Variants in RAPGEF4 observed in about 807,000 individuals in gnomAD.
The protein encoded by RAPGEF4 is RAP guanine-nucleotide-exchange factor (GEF) 4.
In RAPGEF4, 66 loss-of-function variants were observed where a neutral mutation model predicts 147.9. The observed-to-expected ratio is 0.45, with a 90% confidence interval of 0.37 to 0.55. The LOEUF is 0.55. Ranked by LOEUF, RAPGEF4 falls within the 20% of genes least tolerant of loss-of-function variation. The pLI, the probability that RAPGEF4 is intolerant of heterozygous loss-of-function variation, is 0.00. For synonymous variants in RAPGEF4, 419 were observed against 442.7 expected (o/e 0.95, Z 0.67); for missense variants, 1,071 against 1,257.3 (o/e 0.85, Z 2.24).
intron 1 of RAPGEF4, among the ~76,000 whole-genome samples, chr2:172,749,491 G>A (rs1695070130): frequency 6.6e-6 from 1 of 152,188 alleles, no homozygotes; most frequent in South Asian, 2.1e-4. Context: ...GAGCAGCTGG[G>A]ACAGCTGGGA....
At chr2:172,908,984 G>A (rs1411200348) in intron 4 of RAPGEF4, among the ~76,000 whole-genome samples, 1 of 152,140 alleles carries the variant, frequency 6.6e-6, no homozygotes, top group Non-Finnish European at 1.5e-5. Flanking sequence ...TGCCTTTAGA[G>A]GTCCTGGAGG....
intron 4 of RAPGEF4, chr2:172,893,911 TTGA>T (rs1559103180): frequency 2.0e-5 from 3 of 152,516 alleles, no homozygotes; most frequent in African/African-American, 7.2e-5. Flanking sequence ...CATTGCATTA[TTGA>T]TGTTTACAAT....
chr2:172,773,654 C>T (rs1017480415), intron 1 of RAPGEF4, among the ~76,000 whole-genome samples: 1 of 151,234 alleles, frequency 6.6e-6, no homozygotes, highest in Non-Finnish European at 1.5e-5. Flanking sequence ...GCCCCCCCCG[C>T]GGACCATCCT....
chr2:172,795,905 T>G (rs1182015035), intron 2 of RAPGEF4, among the ~76,000 whole-genome samples: 2 of 152,242 alleles, frequency 1.3e-5, no homozygotes, highest in Admixed American at 1.3e-4. Flanking sequence ...CAAATTGTTC[T>G]GACAGCTACA....
chr2:172,846,476 T>C (rs1372393289), intron 4 of RAPGEF4, among the ~76,000 whole-genome samples: 1 of 152,230 alleles, frequency 6.6e-6, no homozygotes, highest in Admixed American at 6.5e-5. Context: ...ATTTTATCTA[T>C]TCACCTGCAA....
chr2:173,027,327 C>A, intron 25 of RAPGEF4, 68 bp downstream of exon 25: 1 of 1,331,954 alleles, frequency 7.5e-7, no homozygotes, highest in Non-Finnish European at 1.0e-6. Flanking sequence ...TTTTCTTAGA[C>A]TACACCTTAA....
intron 25 of RAPGEF4, 49 bp from the exon 26 acceptor site, chr2:173,030,115 C>T: frequency 1.5e-6 from 2 of 1,299,924 alleles, no homozygotes; most frequent in Non-Finnish European, 2.2e-6. Context: ...TTTTTTTTAT[C>T]TCACACAGAA....
chr2:172,864,349 A>G (rs1005039672), intron 4 of RAPGEF4, among the ~76,000 whole-genome samples: 2 of 152,180 alleles, frequency 1.3e-5, no homozygotes, highest in East Asian at 3.9e-4. Context: ...AAAGGTGTGC[A>G]TTTTGCTCTT....
At chr2:172,958,985 C>G (rs928864773) in intron 6 of RAPGEF4, among the ~76,000 whole-genome samples, 3 of 151,950 alleles carry the variant, frequency 2.0e-5, no homozygotes, top group Non-Finnish European at 4.4e-5. Context: ...CTTTATTTAC[C>G]TCATTTTTTA....
At chr2:172,754,015 A>C (rs1695541947) in intron 1 of RAPGEF4, among the ~76,000 whole-genome samples, 3 of 152,246 alleles carry the variant, frequency 2.0e-5, no homozygotes, top group Admixed American at 1.3e-4. Context: ...AGCTTGTGAA[A>C]AGTTACAGGC....
chr2:172,883,228 A>G (rs958217501), intron 4 of RAPGEF4, among the ~76,000 whole-genome samples: 1 of 152,232 alleles, frequency 6.6e-6, no homozygotes, highest in Non-Finnish European at 1.5e-5. Context: ...ACAGTTCTAG[A>G]GGCTGAGAAG....
chr2:172,993,995 C>T (rs1693077634), intron 15 of RAPGEF4, among the ~76,000 whole-genome samples: 2 of 152,178 alleles, frequency 1.3e-5, no homozygotes, highest in African/African-American at 4.8e-5. Context: ...TTACTTTTGA[C>T]CAGCCATAAT....
At chr2:172,969,350 G>C (rs1002409019) in intron 10 of RAPGEF4, among the ~76,000 whole-genome samples, 1 of 152,236 alleles carries the variant, frequency 6.6e-6, no homozygotes, top group South Asian at 2.1e-4. Context: ...AACTACTTAT[G>C]CAAGCAATCA....
At chr2:172,888,926 G>T (rs1284860321) in intron 4 of RAPGEF4, among the ~76,000 whole-genome samples, 1 of 152,172 alleles carries the variant, frequency 6.6e-6, no homozygotes, top group East Asian at 1.9e-4. Context: ...GAGCCCAGTT[G>T]TCCATCTTCC....
intron 4 of RAPGEF4, among the ~76,000 whole-genome samples, chr2:172,876,958 C>G (rs1169030511): frequency 6.6e-6 from 1 of 152,100 alleles, no homozygotes; most frequent in African/African-American, 2.4e-5. Context: ...TCAACTTCTT[C>G]CTGGTTTAGT....
intron 10 of RAPGEF4, among the ~76,000 whole-genome samples, chr2:172,969,729 G>A (rs1025245103): frequency 6.6e-6 from 1 of 152,200 alleles, no homozygotes; most frequent in Admixed American, 6.5e-5. Flanking sequence ...AGTGCCTGCT[G>A]TATGCTAGGA....
intron 4 of RAPGEF4, among the ~76,000 whole-genome samples, chr2:172,845,085 TGAAAA>T (rs1425945875): frequency 6.6e-6 from 1 of 152,220 alleles, no homozygotes; most frequent in Non-Finnish European, 1.5e-5. Flanking sequence ...ATGGTATTGA[TGAAAA>T]GAAGTACTCC....
At chr2:172,983,276 TC>T (rs1691875029) in intron 10 of RAPGEF4, among the ~76,000 whole-genome samples, 2 of 152,268 alleles carry the variant, frequency 1.3e-5, no homozygotes, top group South Asian at 4.1e-4. Flanking sequence ...AGAGAAGGGA[TC>T]CTGTGGACTT....
intron 3 of RAPGEF4, among the ~76,000 whole-genome samples, chr2:172,805,983 T>G (rs1183774336): frequency 6.6e-6 from 1 of 151,184 alleles, no homozygotes; most frequent in African/African-American, 2.4e-5. Context: ...ATAAATAGGA[T>G]TATAAATCTC....
Sources: gnomAD v4.1 joint callset for allele counts (sites outside exome capture counted in the v4.1 genomes callset) on GRCh38, gnomAD v4.1.1 for gene constraint, MANE v1.5 for transcripts, NCBI Gene and HGNC (gene_info 2026-07-23, HGNC 2026-07-21) for gene names.